ADD1: variants seen among roughly 807,000 people sequenced by gnomAD.
The protein encoded by ADD1 is adducin 1.
ADD1 carries 24 observed loss-of-function variants against 80.5 expected under a neutral mutation model. The ratio of observed to expected loss-of-function variants is 0.30; its 90% CI spans 0.22 to 0.42. The LOEUF is 0.42. Ranked by LOEUF, ADD1 falls within the 10% of genes least tolerant of loss-of-function variation. ADD1 has a pLI of 1.00. For synonymous variants in ADD1, 373 were observed against 393.8 expected, an observed-to-expected ratio of 0.95 and a Z score of 0.63; for missense variants, 948 against 1,019.0, an observed-to-expected ratio of 0.93 and a Z score of 0.95.
At chr4:2,852,229 TC>T (rs1469249477) in intron 1 of ADD1, among the ~76,000 whole-genome samples, 24 of 126,300 alleles carry the variant, frequency 1.9e-4, no homozygotes, top group African/African-American at 2.7e-4. Context: ...TTCCTTTCTT[TC>T]CTTTCTTTCT....
intron 14 of ADD1, among the ~76,000 whole-genome samples, chr4:2,921,624 T>C (rs1264514355): frequency 1.3e-5 from 2 of 152,196 alleles, no homozygotes; most frequent in Non-Finnish European, 2.9e-5. Context: ...TTGGGGTTGC[T>C]CTTCTTGAGG....
At chr4:2,852,189 T>TTTCTTCCTTTCTTTCCTTTCTTTC (rs1553815102) in intron 1 of ADD1, among the ~76,000 whole-genome samples, 17 of 50,826 alleles carry the variant, frequency 3.3e-4, no homozygotes, top group African/African-American at 1.2e-3. Context: ...TTTCTTTCTT[T>TTTCTTCCTTTCTTTCCTTTCTTTC]CTTTCTTTCC....
rs1407420372 is a variant in ADD1, at chr4:2,929,195, C to T, written c.*672C>T. On this transcript the variant is annotated 3_prime_UTR_variant, in exon 16 of 16. Transcript: ENST00000683351. ...CTCAGTTTCTTTTTCACTTGGGTCTCTGGATTCCTGTCATAGGGAAGGTAT... is the reference window on the plus strand; with the variant it reads ...CTCAGTTTCTTTTTCACTTGGGTCTTTGGATTCCTGTCATAGGGAAGGTAT... 6.6e-6 allele frequency: 1 copy of T among 152,204 alleles called. No individual in the cohort carries two copies. Among genetic ancestry groups the T allele is most frequent in the Admixed American group, 6.5e-5 (1 of 15,286 alleles). 9.4% of individuals were successfully genotyped at this position (152,204 alleles called of 1,614,324 possible). A position where few individuals can be genotyped will look rare whatever the true frequency, so the allele number is the denominator to read the frequency against.
Position 2,905,094 on chromosome 4 carries a change from A to T in ADD1, c.1492A>T (p.Ile498Phe), listed in dbSNP as rs1736827172. 1 of 1,614,074 alleles carries T rather than the reference A, an allele frequency of 6.2e-7. No individual in the cohort carries two copies. The highest frequency in any genetic ancestry group is 1.3e-5 in the African/African-American group (1 of 74,930). Residue 498 changes from isoleucine to phenylalanine, a missense_variant, in exon 10 of 16, where the codon ATT (isoleucine) becomes TTT (phenylalanine). Transcript: ENST00000683351. ...LSSGVCVPSC[I>F]TNCLWTKEDG... is the part of the protein sequence containing the mutation. ...GTCCGGTGTCTGCGTGCCAAGCTGT[A>T]TTACCAACTGCTTGGTCTGTGCCTA...
intron 12 of ADD1, chr4:2,908,914 A>G (rs1296643266): frequency 1.3e-5 from 6 of 462,944 alleles, no homozygotes; most frequent in Non-Finnish European, 2.0e-5. Flanking sequence ...GTTCTGTGTA[A>G]GGCGCTAGGA....
intron 1 of ADD1, among the ~76,000 whole-genome samples, chr4:2,856,052 T>C (rs1413586359): frequency 2.7e-5 from 1 of 37,056 alleles, no homozygotes; most frequent in Non-Finnish European, 4.7e-5. Context: ...ACAAGTTCTT[T>C]TTTAAAAAAA....
At position 2,920,657 on chromosome 4, in the gene ADD1, C is replaced by CTTTT. The variant is rs55649630; in HGVS notation, c.1949-5346_1949-5343dup. Among the ~76,000 whole-genome samples the CTTTT allele has an allele frequency of 3.1e-3, 417 of 136,492 alleles. 3 individuals are homozygous for CTTTT. In the East Asian group the frequency reaches 0.039, roughly 13 times the overall value. 89.5% of individuals were successfully genotyped at this position (136,492 alleles called of 152,430 possible). A position where few individuals can be genotyped will look rare whatever the true frequency, so the allele number is the denominator to read the frequency against. On this transcript the variant is annotated intron_variant, in intron 14 of 15. Transcript: ENST00000683351. ...TTAGAGACTAGGATTGCAACTCCTGCTTTTTTTTTTTTTTGCTTTTCTTTT... is the reference window on the plus strand; with the variant it reads ...TTAGAGACTAGGATTGCAACTCCTGCTTTTTTTTTTTTTTTTTTGCTTTTCTTTT...
chr4:2,851,236 C>T (rs1727030903), intron 1 of ADD1, among the ~76,000 whole-genome samples: 1 of 152,148 alleles, frequency 6.6e-6, no homozygotes, highest in Non-Finnish European at 1.5e-5. Flanking sequence ...TGTTGCCACT[C>T]AAGATGTGTG....
At chr4:2,905,766 C>T (rs1317276431) in intron 10 of ADD1, 1 of 153,044 alleles carries the variant, frequency 6.5e-6, no homozygotes, top group East Asian at 1.9e-4. Context: ...TCTGCAGGCA[C>T]CAGCGACAGA....
At chr4:2,894,125 T>C (rs1271861617) in intron 5 of ADD1, 32 bp downstream of exon 5, 3 of 1,554,646 alleles carry the variant, frequency 1.9e-6, no homozygotes, top group Admixed American at 1.7e-5. Flanking sequence ...GCAGCTTGTA[T>C]GTGCAGGTCA....
chr4:2,905,230 C>G (rs17777371), intron 10 of ADD1, 122 bp downstream of exon 10: 61,268 of 879,140 alleles, frequency 0.07, 2,680 homozygotes, highest in South Asian at 0.15. Context: ...TCCTTATTCA[C>G]TTTCTTGTAG....
chr4:2,895,512 A>G (rs1232572463), intron 6 of ADD1, among the ~76,000 whole-genome samples: 1 of 152,008 alleles, frequency 6.6e-6, no homozygotes, highest in African/African-American at 2.4e-5. Flanking sequence ...GGAAAGGGAG[A>G]GGTTGAGGCC....
chr4:2,865,310 A>G (rs1455883714), intron 1 of ADD1, among the ~76,000 whole-genome samples: 1 of 152,212 alleles, frequency 6.6e-6, no homozygotes, highest in Non-Finnish European at 1.5e-5. Context: ...TTCAATGAAC[A>G]TACCTTTGGC....
At position 2,895,957 on chromosome 4, in the gene ADD1, G is replaced by T. The variant is rs186484254; in HGVS notation, c.741+1226G>T. Reference sequence around the variant, plus strand: ...GGCTGGAGTGCAATGGCGCGATCGCGGCTCACTGCAAGCTCTGCCTCCCGG... The same window carrying T: ...GGCTGGAGTGCAATGGCGCGATCGCTGCTCACTGCAAGCTCTGCCTCCCGG... On this transcript the variant is annotated intron_variant, in intron 6 of 15. Coordinates refer to ENST00000683351, the MANE Select transcript of ADD1 (RefSeq NM_001354761.2). 4.6e-3 allele frequency among the ~76,000 whole-genome samples: 690 copies of T among 151,340 alleles called. 8 individuals are homozygous for T. Among genetic ancestry groups the T allele is most frequent in the Middle Eastern group, 0.014 (4 of 292 alleles).
intron 4 of ADD1, among the ~76,000 whole-genome samples, chr4:2,888,767 A>G (rs1307666173): frequency 6.6e-6 from 1 of 152,170 alleles, no homozygotes; most frequent in African/African-American, 2.4e-5. Context: ...TAGATAGGAA[A>G]TGGCTCAGTT....
intron 2 of ADD1, among the ~76,000 whole-genome samples, chr4:2,879,035 G>A (rs1051455996): frequency 1.3e-5 from 2 of 152,146 alleles, no homozygotes; most frequent in Non-Finnish European, 2.9e-5. Flanking sequence ...GACCATGGAC[G>A]TGGGAGCCTG....
At chr4:2,927,319 G>C (rs1178556195) in intron 15 of ADD1, among the ~76,000 whole-genome samples, 1 of 152,222 alleles carries the variant, frequency 6.6e-6, no homozygotes, top group African/African-American at 2.4e-5. Flanking sequence ...CTGGCAGGGT[G>C]GGGGTGCTTC....
chr4:2,879,279 A>T (rs1324600827), intron 2 of ADD1, among the ~76,000 whole-genome samples: 1 of 152,180 alleles, frequency 6.6e-6, no homozygotes, highest in Non-Finnish European at 1.5e-5. Context: ...TCCTTTCTGC[A>T]CTTACAGGTC....
intron 1 of ADD1, among the ~76,000 whole-genome samples, chr4:2,856,589 T>G (rs1375095486): frequency 1.4e-5 from 2 of 148,010 alleles, no homozygotes; most frequent in African/African-American, 4.9e-5. Context: ...CTAGAGTTTT[T>G]TTTTTTTTTT....
Sources: allele counts gnomAD v4.1 joint callset (sites outside exome capture counted in the v4.1 genomes callset), GRCh38; gene constraint gnomAD v4.1.1; transcripts MANE v1.5; gene names NCBI Gene and HGNC (gene_info 2026-07-23, HGNC 2026-07-21).